HELQ: variants seen among roughly 807,000 people sequenced by gnomAD.
The protein encoded by HELQ is helicase, POLQ like, also known as helicase POLQ-like.
In HELQ, 77 loss-of-function variants were observed where a neutral mutation model predicts 111.6. The observed-to-expected ratio is 0.69, with a 90% CI of 0.57 to 0.83. HELQ has a LOEUF of 0.83. HELQ is among the 40% of genes least tolerant of loss of function. The probability of loss-of-function intolerance (pLI) is 0.00; values close to 1 mark genes in which losing one functional copy is unlikely to be tolerated. For missense variants in HELQ, 1,200 were observed against 1,288.5 expected, an observed-to-expected ratio of 0.93 and a Z score of 1.05; for synonymous variants, 438 against 454.7, an observed-to-expected ratio of 0.96 and a Z score of 0.47.
chr4:83,427,596 C>T lies in HELQ; in HGVS notation c.2643G>A (p.Gln881=). Residue 881 remains glutamine (Q), a synonymous_variant, in exon 13 of 18, where the codon CAG becomes CAA. Coordinates refer to ENST00000295488, the MANE Select transcript of HELQ (RefSeq NM_133636.5). ...YLTTPYDLVS[Q]CNPDWMIYFR... is the part of the protein sequence containing the mutation. ...AGTATATCATCCAATCAGGGTTACA[C>T]TGTGAAACCAGATCATAGGGGGTTG... 1 of 1,598,392 alleles carries T rather than the reference C, an allele frequency of 6.3e-7. No individual in the cohort carries two copies. The highest frequency in any genetic ancestry group is 8.5e-7 in the Non-Finnish European group (1 of 1,174,210).
At chr4:83,416,676 A>G in intron 17 of HELQ, 55 bp downstream of exon 17, 1 of 1,559,404 alleles carries the variant, frequency 6.4e-7, no homozygotes, top group Non-Finnish European at 8.7e-7. Flanking sequence ...TCTATAATAC[A>G]AGGAAATAAC....
Position 83,437,000 on chromosome 4 carries a change from T to C in HELQ, c.1906A>G (p.Ile636Val), listed in dbSNP as rs757960040. 3 of 1,614,182 alleles carry C rather than the reference T, an allele frequency of 1.9e-6. No homozygotes were observed. Among genetic ancestry groups the C allele is most frequent in the South Asian group, 2.2e-5 (2 of 91,084 alleles). ...GNLCPVLKRT[I>V]PFGVAYHHSG... is the part of the protein sequence containing the mutation. ...TGGTGATAGGCAACTCCAAATGGGA[T>C]AGTGCGCTTTAAAACAGGACACAGG... The change falls in exon 9 of 18, where the codon ATC becomes GTC. Residue 636 changes from isoleucine to valine, a missense_variant. Coordinates refer to ENST00000295488, the MANE Select transcript of HELQ (RefSeq NM_133636.5).
chr4:83,451,462 ACCAT>A lies in HELQ; in HGVS notation c.1012+1765_1012+1768del, dbSNP rs1484667770. Reference sequence around the variant, plus strand: ...CGGATCACAAGGTCAGGAGATCGAGACCATCCTGGCTAACACGGTGAAACCTTGT... The same window carrying A: ...CGGATCACAAGGTCAGGAGATCGAGACCTGGCTAACACGGTGAAACCTTGT... On this transcript the variant is annotated intron_variant, in intron 2 of 17. Coordinates refer to ENST00000295488, the MANE Select transcript of HELQ (RefSeq NM_133636.5). Among the ~76,000 whole-genome samples, 4 of 152,028 alleles carry A rather than the reference ACCAT, an allele frequency of 2.6e-5. No individual in the cohort carries two copies. The East Asian group carries it at 7.7e-4, about 29-fold the overall frequency.
rs1259666201 is a variant in HELQ at position 83,455,568 on chromosome 4, C to T, written c.126G>A (p.Glu42=). The change falls in exon 1 of 18, where the codon GAG becomes GAA. Residue 42 remains glutamate, a synonymous_variant. Coordinates refer to ENST00000295488, the MANE Select transcript of HELQ (RefSeq NM_133636.5). ...TGTTCTCAGCCACCATTTCCTCCTCCTCTTTCCCCTCATCTCCGGGCACGA... is the reference window on the plus strand; with the variant it reads ...TGTTCTCAGCCACCATTTCCTCCTCTTCTTTCCCCTCATCTCCGGGCACGA... ...AELVPGDEGK[E]EEEMVAENRR... 12 of 1,614,084 alleles carry T rather than the reference C, an allele frequency of 7.4e-6. No homozygotes were observed. Among genetic ancestry groups the T allele is most frequent in the Non-Finnish European group, 9.3e-6 (11 of 1,180,044 alleles).
intron 14 of HELQ, among the ~76,000 whole-genome samples, chr4:83,425,750 C>T (rs972329409): frequency 6.6e-6 from 1 of 152,044 alleles, no homozygotes; most frequent in Non-Finnish European, 1.5e-5. Context: ...ATTATGAAAA[C>T]ATTTCATGCT....
In HELQ at chr4:83,429,734, G is replaced by A. The variant is rs764972377; in HGVS notation, c.2308C>T (p.Leu770Phe). 1 of 1,609,800 alleles carries A rather than the reference G, an allele frequency of 6.2e-7. No homozygotes were observed. Among genetic ancestry groups the A allele is most frequent in the Non-Finnish European group, 8.5e-7 (1 of 1,177,400 alleles). Residue 770 changes from leucine (L) to phenylalanine (F), a missense_variant, in exon 12 of 18, where the codon CTT becomes TTT. This residue lies in a region of HELQ where 585 missense variants were observed against 665.3 expected (regional missense o/e 0.88). Coordinates refer to ENST00000295488, the MANE Select transcript of HELQ (RefSeq NM_133636.5). The part of the protein sequence containing the change: ...SLIGLKIATN[L>F]DDIYHFMNGT... ...TTCATGAAATGATAGATGTCATCAA[G>A]ATTCGTTGCAATCTGAAACAATTCA...
chr4:83,429,491 C>T (rs747408542), intron 12 of HELQ, 33 bp downstream of exon 12: 3 of 1,399,804 alleles, frequency 2.1e-6, no homozygotes, highest in South Asian at 1.2e-5. Flanking sequence ...CAATGTGTTT[C>T]CTATGATCAA....
At chr4:83,443,671 T>C (rs1252272852) in intron 5 of HELQ, 57 bp from the exon 6 acceptor site, 2 of 698,360 alleles carry the variant, frequency 2.9e-6, no homozygotes, top group Non-Finnish European at 4.8e-6. Flanking sequence ...ATTTAATATA[T>C]CATAAAGTAA....
At chr4:83,417,249 C>G (rs1269819232) in intron 16 of HELQ, among the ~76,000 whole-genome samples, 4 of 150,386 alleles carry the variant, frequency 2.7e-5, no homozygotes, top group African/African-American at 9.8e-5. Flanking sequence ...GTTGCCCAGG[C>G]TGGAGTGCAA....
chr4:83,443,388 T>C (rs1341210190), intron 6 of HELQ, 129 bp downstream of exon 6: 4 of 475,880 alleles, frequency 8.4e-6, no homozygotes, highest in African/African-American at 2.0e-5. Flanking sequence ...TATTAGCATA[T>C]AGTCATGGTG....
At chr4:83,450,610 T>C (rs1721309158) in intron 2 of HELQ, among the ~76,000 whole-genome samples, 1 of 151,850 alleles carries the variant, frequency 6.6e-6, no homozygotes, top group South Asian at 2.1e-4. Flanking sequence ...CCAATTCAGA[T>C]TTTTAAGCAT....
chr4:83,443,959 C>T (rs7688416), intron 5 of HELQ, among the ~76,000 whole-genome samples: 52,230 of 151,830 alleles, frequency 0.34, 10,912 homozygotes, highest in East Asian at 0.67. Flanking sequence ...GTGGGAGGAT[C>T]GCTTGAGCCC....
chr4:83,417,928 G>A (rs1403343201), intron 16 of HELQ, among the ~76,000 whole-genome samples, 165 bp downstream of exon 16: 2 of 152,036 alleles, frequency 1.3e-5, no homozygotes, highest in Admixed American at 6.6e-5. Context: ...CGGATTTCTG[G>A]AAGGCCATAA....
In HELQ at chr4:83,427,725, A is replaced by C. The variant is rs752447515; in HGVS notation, c.2519-5T>G. On this transcript the variant is annotated splice_polypyrimidine_tract_variant and splice_region_variant and intron_variant, in intron 12 of 17. Coordinates refer to ENST00000295488, the MANE Select transcript of HELQ (RefSeq NM_133636.5). ...AATAAGCTAAATCTATAGTTCCTAA[A>C]AGAAAGATACAAATATTCAATCTTT... The C allele has an allele frequency of 2.0e-6, 3 of 1,512,946 alleles. No individual in the cohort carries two copies. The highest frequency in any genetic ancestry group is 2.3e-5 in the Admixed American group (1 of 44,160). The allele number at this position is 1,512,946 out of a possible 1,614,324, so 93.7% of individuals were successfully genotyped here.
intron 14 of HELQ, 25 bp downstream of exon 14, chr4:83,425,969 T>G (rs1170278059): frequency 1.6e-6 from 2 of 1,289,300 alleles, no homozygotes; most frequent in Admixed American, 3.6e-5. Context: ...ACTTATTATT[T>G]AGGAAGAAAA....
intron 6 of HELQ, 54 bp from the exon 7 acceptor site, chr4:83,441,457 G>C: frequency 1.2e-6 from 1 of 844,806 alleles, no homozygotes; most frequent in Non-Finnish European, 1.9e-6. Context: ...CATCTTTCCA[G>C]TGTTTTAAAT....
intron 17 of HELQ, among the ~76,000 whole-genome samples, chr4:83,412,643 T>C (rs569493085): frequency 3.3e-5 from 5 of 151,950 alleles, no homozygotes; most frequent in South Asian, 2.1e-4. Flanking sequence ...CTGGGCAACA[T>C]AGCAAAACCT....
chr4:83,452,191 C>T (rs1721416607), intron 2 of HELQ, among the ~76,000 whole-genome samples: 2 of 152,158 alleles, frequency 1.3e-5, no homozygotes, highest in South Asian at 4.1e-4. Context: ...CCCAGAATGG[C>T]TTTGAATGTG....
At chr4:83,408,059 C>T (rs1243124119) in intron 17 of HELQ, among the ~76,000 whole-genome samples, 3 of 152,010 alleles carry the variant, frequency 2.0e-5, no homozygotes, top group African/African-American at 4.8e-5. Flanking sequence ...AAAAGTATTT[C>T]CAAACATGGC....
Sources: gnomAD v4.1 joint callset for allele counts (sites outside exome capture counted in the v4.1 genomes callset) on GRCh38, gnomAD v4.1.1 for gene constraint, gnomAD v4.1.1 regional missense constraint, MANE v1.5 for transcripts, NCBI Gene and HGNC (gene_info 2026-07-23, HGNC 2026-07-21) for gene names.